Variants in PID1 observed in about 807,000 individuals in gnomAD.
PID1 encodes the protein phosphotyrosine interaction domain containing 1, also known as PTB-containing, cubilin and LRP1-interacting protein.
PID1 carries 10 observed loss-of-function variants against 19.1 expected under a neutral mutation model. The ratio of observed to expected loss-of-function variants is 0.52; its 90% CI spans 0.32 to 0.89. The LOEUF (loss-of-function observed/expected upper bound fraction) is 0.89. Ranked by LOEUF, PID1 falls within the 40% of genes least tolerant of loss-of-function variation. The pLI is 0.03. For synonymous variants in PID1, 130 were observed against 116.0 expected (o/e 1.12, Z -0.78); for missense variants, 248 against 285.3 (o/e 0.87, Z 0.94).
chr2:229,256,470 C>A (rs1690299118), intron 1 of PID1, among the ~76,000 whole-genome samples: 1 of 152,200 alleles, frequency 6.6e-6, no homozygotes, highest in Non-Finnish European at 1.5e-5. Context: ...TGGAATGCTT[C>A]TTTACAAAGG....
At chr2:229,028,320 A>G (rs1693470204) in intron 2 of PID1, among the ~76,000 whole-genome samples, 1 of 152,236 alleles carries the variant, frequency 6.6e-6, no homozygotes, top group East Asian at 1.9e-4. Context: ...AATATTTTTA[A>G]TCACTTTATG....
At chr2:229,186,713 T>A (rs1374902711) in intron 1 of PID1, among the ~76,000 whole-genome samples, 1 of 152,238 alleles carries the variant, frequency 6.6e-6, no homozygotes, top group African/African-American at 2.4e-5. Flanking sequence ...ACCTCTGACA[T>A]GCCCTGGAGA....
chr2:229,066,659 C>T (rs1373617417), intron 2 of PID1, among the ~76,000 whole-genome samples: 1 of 151,910 alleles, frequency 6.6e-6, no homozygotes, highest in African/African-American at 2.4e-5. Flanking sequence ...ATCCTCTGGT[C>T]CCTCAGAGAC....
chr2:229,065,712 C>CAAAAAA (rs71988256), intron 2 of PID1, among the ~76,000 whole-genome samples: 30 of 103,934 alleles, frequency 2.9e-4, no homozygotes, highest in South Asian at 2.4e-3. Flanking sequence ...TTGTGATTTA[C>CAAAAAA]AAAAAAAAAA....
At chr2:229,228,904 C>T (rs1946123) in intron 1 of PID1, among the ~76,000 whole-genome samples, 62,608 of 152,020 alleles carry the variant, frequency 0.41, 14,454 homozygotes, top group East Asian at 0.76. Flanking sequence ...TACAGTTCTC[C>T]CTGAGGAGAG....
At chr2:229,078,977 A>G (rs1018088286) in intron 2 of PID1, among the ~76,000 whole-genome samples, 2 of 152,266 alleles carry the variant, frequency 1.3e-5, no homozygotes, top group African/African-American at 4.8e-5. Context: ...GTTTTATAAC[A>G]TTGCTTAGGC....
chr2:229,232,868 A>G (rs1692245304), intron 1 of PID1, among the ~76,000 whole-genome samples: 1 of 150,766 alleles, frequency 6.6e-6, no homozygotes, highest in Admixed American at 6.6e-5. Context: ...CTTATAGGAA[A>G]GAAACTGCCG....
intron 2 of PID1, among the ~76,000 whole-genome samples, chr2:229,106,829 A>G (rs1431432697): frequency 6.6e-6 from 1 of 152,212 alleles, no homozygotes. Context: ...TTATGGATTC[A>G]AGGAACTAGG....
chr2:229,264,767 A>G (rs1690547813), intron 1 of PID1, among the ~76,000 whole-genome samples: 1 of 152,214 alleles, frequency 6.6e-6, no homozygotes, highest in Admixed American at 6.5e-5. Flanking sequence ...TATTAAGTCC[A>G]ACTTTGAACA....
chr2:229,026,162 CT>C, intron 2 of PID1, 54 bp from the exon 3 acceptor site: 1 of 1,201,502 alleles, frequency 8.3e-7, no homozygotes, highest in South Asian at 1.3e-5. Flanking sequence ...GCTCTTTGTT[CT>C]GATAGACTGA....
intron 2 of PID1, among the ~76,000 whole-genome samples, chr2:229,100,408 G>C (rs1695053124): frequency 1.3e-5 from 2 of 152,070 alleles, no homozygotes; most frequent in African/African-American, 2.4e-5. Flanking sequence ...GAAACTATTA[G>C]AAAAACTACA....
At chr2:229,089,223 C>T (rs1694824704) in intron 2 of PID1, among the ~76,000 whole-genome samples, 1 of 152,142 alleles carries the variant, frequency 6.6e-6, no homozygotes, top group South Asian at 2.1e-4. Flanking sequence ...TTGCCTGCAG[C>T]TATTACTTGT....
chr2:229,168,548 C>G (rs1690648814), intron 1 of PID1, among the ~76,000 whole-genome samples: 1 of 152,166 alleles, frequency 6.6e-6, no homozygotes, highest in Non-Finnish European at 1.5e-5. Context: ...CTGTTTCTTA[C>G]ATGGTTTTTA....
chr2:229,101,935 G>C (rs1279673945), intron 2 of PID1, among the ~76,000 whole-genome samples: 4 of 152,132 alleles, frequency 2.6e-5, no homozygotes, highest in Non-Finnish European at 5.9e-5. Context: ...CTTAAAATAA[G>C]ATTAGCCTGG....
Position 229,059,925 on chromosome 2 carries a change from C to A in PID1, c.178-33817G>T, listed in dbSNP as rs550545237. On this transcript the variant is annotated intron_variant, in intron 2 of 2. Transcript: ENST00000392055. ...GGAGGGGATGATGCAGAATTACAAA[C>A]AACACTTAGAATCAGTTTCTCAGGT... Among the ~76,000 whole-genome samples, 93 of 152,182 alleles carry A rather than the reference C, an allele frequency of 6.1e-4. 1 individual carries two copies. Among genetic ancestry groups the A allele is most frequent in the African/African-American group, 2.1e-3 (86 of 41,536 alleles).
chr2:229,067,909 C>A (rs1028232879), intron 2 of PID1, among the ~76,000 whole-genome samples: 6 of 152,182 alleles, frequency 3.9e-5, no homozygotes, highest in African/African-American at 1.2e-4. Context: ...GGGGGCAGGG[C>A]AAGGTCTCTC....
At chr2:229,100,737 C>G (rs1298469942) in intron 2 of PID1, among the ~76,000 whole-genome samples, 1 of 152,150 alleles carries the variant, frequency 6.6e-6, no homozygotes, top group Non-Finnish European at 1.5e-5. Context: ...CCATCCCAGG[C>G]CTGCTTTGGT....
intron 2 of PID1, among the ~76,000 whole-genome samples, chr2:229,072,590 A>G (rs1249833352): frequency 7.8e-6 from 1 of 127,604 alleles, no homozygotes; most frequent in Non-Finnish European, 1.7e-5. Flanking sequence ...TCCGTCTCAA[A>G]AAAGAAAAAA....
At chr2:229,266,852 T>C (rs1402173656) in intron 1 of PID1, among the ~76,000 whole-genome samples, 1 of 152,212 alleles carries the variant, frequency 6.6e-6, no homozygotes, top group Non-Finnish European at 1.5e-5. Context: ...ATCTTCCCAT[T>C]CTTAATCCTT....
Sources: gnomAD v4.1 joint callset for allele counts (sites outside exome capture counted in the v4.1 genomes callset) on GRCh38, gnomAD v4.1.1 for gene constraint, MANE v1.5 for transcripts, NCBI Gene and HGNC (gene_info 2026-07-23, HGNC 2026-07-21) for gene names.